The following MTMR8 variants were observed in gnomAD, a reference collection of about 807,000 sequenced individuals.
MTMR8 encodes the protein phosphatidylinositol-3,5-bisphosphate 3-phosphatase MTMR8.
A neutral mutation model predicts 39.3 loss-of-function variants in MTMR8; 65 were observed. The observed-to-expected ratio is 1.65, with a 90% CI of 1.35 to 2.03. MTMR8 has a LOEUF of 2.03. MTMR8 is among the 30% of genes most tolerant of loss of function. MTMR8 has a pLI of 0.00. For synonymous variants in MTMR8, 245 were observed against 185.2 expected (o/e 1.32, Z -2.62); for missense variants, 777 against 538.9 (o/e 1.44, Z -4.37).
chrX:64,284,683 G>T (rs1921089402), intron 12 of MTMR8, among the ~76,000 whole-genome samples: 2 of 111,499 alleles, frequency 1.8e-5, no homozygotes, highest in Admixed American at 1.9e-4. Flanking sequence ...CATTCTTAAA[G>T]AAAAGAATTT....
rs1188925896 is a variant in MTMR8 at position 64,384,415 on chromosome X, T to C, written c.24+10925A>G. 3.6e-5 allele frequency among the ~76,000 whole-genome samples: 4 copies of C among 111,593 alleles called. No homozygotes were observed. In the Admixed American group the frequency reaches 3.8e-4, roughly 11 times the overall value. ...AGGTAGTGCCCTGGTGGAGACTCTG[T>C]GTGTAGGCTCCAACCCTACATTTCT... On this transcript the variant is annotated intron_variant, in intron 1 of 13. Transcript: ENST00000374852.
chrX:64,343,144 T>G (rs1444675589), intron 8 of MTMR8, among the ~76,000 whole-genome samples: 1 of 111,756 alleles, frequency 8.9e-6, no homozygotes, highest in Non-Finnish European at 1.9e-5. Flanking sequence ...CTGCATTTAT[T>G]TCACACCCAC....
intron 12 of MTMR8, among the ~76,000 whole-genome samples, chrX:64,289,636 CAAA>C (rs749879321): frequency 1.1e-4 from 3 of 26,422 alleles, no homozygotes; most frequent in African/African-American, 2.1e-4. Flanking sequence ...GACTCCATCG[CAAA>C]AAAAAAAAAA....
chrX:64,395,176 T>C (rs1446995462), intron 1 of MTMR8, among the ~76,000 whole-genome samples, 164 bp downstream of exon 1: 1 of 108,866 alleles, frequency 9.2e-6, no homozygotes, highest in East Asian at 2.9e-4. Flanking sequence ...TAAGAAGAGG[T>C]GTTTGGTTGA....
chrX:64,326,498 A>G (rs1922797438), intron 12 of MTMR8, among the ~76,000 whole-genome samples: 1 of 111,771 alleles, frequency 8.9e-6, no homozygotes, highest in Non-Finnish European at 1.9e-5. Context: ...GAGGTGAAAG[A>G]TCTTCACACT....
At chrX:64,376,655 A>AG (rs1187805983) in intron 1 of MTMR8, among the ~76,000 whole-genome samples, 3 of 112,621 alleles carry the variant, frequency 2.7e-5, no homozygotes, top group Non-Finnish European at 5.6e-5. Context: ...TATTTAAAAG[A>AG]GAAGCACAGC....
chrX:64,317,419 C>A (rs936445477), intron 12 of MTMR8, among the ~76,000 whole-genome samples: 10 of 111,381 alleles, frequency 9.0e-5, no homozygotes, highest in South Asian at 3.8e-4. Context: ...AGACTGGGTA[C>A]TTTCTATTTT....
chrX:64,308,991 C>A (rs981586045), intron 12 of MTMR8, among the ~76,000 whole-genome samples: 1 of 112,070 alleles, frequency 8.9e-6, no homozygotes, highest in African/African-American at 3.2e-5. Context: ...TTTCCAATAA[C>A]ACCCTGTCTT....
At chrX:64,368,175 T>C (rs922204527) in intron 1 of MTMR8, among the ~76,000 whole-genome samples, 1 of 111,321 alleles carries the variant, frequency 9.0e-6, no homozygotes, top group Non-Finnish European at 1.9e-5. Flanking sequence ...AAAATGGCCA[T>C]ACTGCCCAAG....
At chrX:64,313,790 T>C (rs1922383572) in intron 12 of MTMR8, among the ~76,000 whole-genome samples, 1 of 112,616 alleles carries the variant, frequency 8.9e-6, no homozygotes, top group Non-Finnish European at 1.9e-5. Context: ...AGTTCTGTGA[T>C]TTCAGCCATC....
At position 64,354,779 on chromosome X, in the gene MTMR8, C is replaced by G; in HGVS notation, c.466G>C (p.Glu156Gln). Reference protein sequence around the residue: ...WTITDANRNYEICSTYPPEIV... With the variant: ...WTITDANRNYQICSTYPPEIV... ...GCAAACAACAAGGACAAAATTACCT[C>G]ATAGTTTCTGTTGGCATCTGTTATG... The change falls in exon 4 of 14, where the codon GAG (glutamate) becomes CAG (glutamine). Residue 156 changes from glutamate to glutamine, a missense_variant and splice_region_variant. Transcript: ENST00000374852. 1 of 1,177,629 alleles carries G rather than the reference C, an allele frequency of 8.5e-7. No homozygotes were observed. The highest frequency in any genetic ancestry group is 2.5e-5 in the Admixed American group (1 of 40,699).
At chrX:64,286,245 C>A (rs1050110166) in intron 12 of MTMR8, among the ~76,000 whole-genome samples, 1 of 111,821 alleles carries the variant, frequency 8.9e-6, no homozygotes, top group East Asian at 2.8e-4. Flanking sequence ...ATAAATTCCT[C>A]GACACATACA....
At chrX:64,335,615 G>A (rs1255466057) in intron 10 of MTMR8, among the ~76,000 whole-genome samples, 1 of 111,791 alleles carries the variant, frequency 8.9e-6, no homozygotes, top group Non-Finnish European at 1.9e-5. Flanking sequence ...CCTTAAAAAA[G>A]AACAAATCTG....
chrX:64,269,608 A>G (rs945543016), intron 13 of MTMR8, among the ~76,000 whole-genome samples: 30 of 111,385 alleles, frequency 2.7e-4, no homozygotes, highest in African/African-American at 9.5e-4. Flanking sequence ...ATTCACTGAT[A>G]CTTCACAACA....
intron 12 of MTMR8, among the ~76,000 whole-genome samples, chrX:64,322,925 G>A (rs1197161321): frequency 8.9e-6 from 1 of 112,827 alleles, no homozygotes; most frequent in Admixed American, 9.3e-5. Context: ...ATCTTGCCAA[G>A]TAAAGAAACT....
At chrX:64,370,150 A>G (rs890664881) in intron 1 of MTMR8, among the ~76,000 whole-genome samples, 1 of 111,036 alleles carries the variant, frequency 9.0e-6, no homozygotes, top group African/African-American at 3.3e-5. Flanking sequence ...CACATTATGA[A>G]CTCAATGCAA....
chrX:64,383,951 C>G (rs1365650362), intron 1 of MTMR8, among the ~76,000 whole-genome samples: 1 of 111,626 alleles, frequency 9.0e-6, no homozygotes, highest in Admixed American at 9.5e-5. Context: ...AGTCCAAAGT[C>G]TCATCTGAAA....
chrX:64,336,303 G>A (rs1435759191), intron 9 of MTMR8, among the ~76,000 whole-genome samples, 175 bp from the exon 10 acceptor site: 11 of 110,762 alleles, frequency 9.9e-5, no homozygotes, highest in Non-Finnish European at 2.1e-4. Context: ...CCTATACAGG[G>A]TGCCTTCAAA....
At chrX:64,290,136 C>T (rs1277903278) in intron 12 of MTMR8, among the ~76,000 whole-genome samples, 3 of 110,588 alleles carry the variant, frequency 2.7e-5, no homozygotes, top group Non-Finnish European at 5.7e-5. Flanking sequence ...AAAAAGTGGA[C>T]TAACACCTAA....
Sources: gnomAD v4.1 joint callset for allele counts (sites outside exome capture counted in the v4.1 genomes callset) on GRCh38, gnomAD v4.1.1 for gene constraint, MANE v1.5 for transcripts, NCBI Gene and HGNC (gene_info 2026-07-23, HGNC 2026-07-21) for gene names.